Variants in NMNAT2 observed in about 807,000 individuals in gnomAD.
NMNAT2 encodes nicotinamide/nicotinic acid mononucleotide adenylyltransferase 2.
NMNAT2 carries 11 observed loss-of-function variants against 41.6 expected under a neutral mutation model. That is an observed-to-expected ratio of 0.26 (90% confidence interval 0.17 to 0.44). The LOEUF (loss-of-function observed/expected upper bound fraction) is 0.44, where lower values mean the gene tolerates loss of function less well. NMNAT2 is among the 20% of genes least tolerant of loss of function. The pLI, the probability that NMNAT2 is intolerant of heterozygous loss-of-function variation, is 1.00. For synonymous variants in NMNAT2, 148 were observed against 151.2 expected (o/e 0.98, Z 0.16); for missense variants, 288 against 407.7 (o/e 0.71, Z 2.53).
intron 1 of NMNAT2, among the ~76,000 whole-genome samples, chr1:183,390,144 T>G (rs1239419652): frequency 6.6e-6 from 1 of 152,094 alleles, no homozygotes; most frequent in East Asian, 1.9e-4. Context: ...TGCTGTTTTC[T>G]CTGTGTGTTT....
At chr1:183,413,567 G>T in intron 1 of NMNAT2, among the ~76,000 whole-genome samples, 1 of 147,164 alleles carries the variant, frequency 6.8e-6, no homozygotes. Context: ...GAAGAAATAT[G>T]ATTTTTCTAA....
chr1:183,290,302 A>C (rs1045250773), intron 3 of NMNAT2, 96 bp from the exon 4 acceptor site: 15 of 954,558 alleles, frequency 1.6e-5, no homozygotes, highest in Non-Finnish European at 2.4e-5. Flanking sequence ...AGCATGGCAG[A>C]TCTGGCCATA....
intron 1 of NMNAT2, among the ~76,000 whole-genome samples, chr1:183,303,656 G>T (rs763038906): frequency 1.3e-5 from 2 of 152,214 alleles, no homozygotes; most frequent in African/African-American, 2.4e-5. Flanking sequence ...TTCAGGGAGC[G>T]TGAAACAGAC....
At chr1:183,354,408 T>C (rs1457473685) in intron 1 of NMNAT2, among the ~76,000 whole-genome samples, 1 of 129,974 alleles carries the variant, frequency 7.7e-6, no homozygotes. Context: ...ATCTTTAATG[T>C]CTTTTTTTTT....
In NMNAT2 at chr1:183,265,998, T is replaced by C. The variant is rs530063965; in HGVS notation, c.652-4695A>G. 3.3e-5 allele frequency among the ~76,000 whole-genome samples: 5 copies of C among 152,236 alleles called. No homozygotes were observed. The East Asian group carries it at 7.7e-4, about 24-fold the overall frequency. On this transcript the variant is annotated intron_variant, in intron 8 of 10. Coordinates refer to ENST00000287713, the MANE Select transcript of NMNAT2 (RefSeq NM_015039.4). ...AGATGCTCCACTGTGGAGCTTGAAGTTGGAGGAAGGGACCATTAACCAATG... is the reference window on the plus strand; with the variant it reads ...AGATGCTCCACTGTGGAGCTTGAAGCTGGAGGAAGGGACCATTAACCAATG...
intron 1 of NMNAT2, among the ~76,000 whole-genome samples, chr1:183,416,813 G>A (rs1310293535): frequency 2.0e-5 from 3 of 152,080 alleles, no homozygotes; most frequent in Non-Finnish European, 4.4e-5. Flanking sequence ...AAGCCACCTC[G>A]CCCTGTCTTT....
intron 1 of NMNAT2, among the ~76,000 whole-genome samples, chr1:183,321,510 G>T (rs953646445): frequency 1.3e-5 from 2 of 152,154 alleles, no homozygotes; most frequent in Non-Finnish European, 2.9e-5. Context: ...GGAGGCCGAG[G>T]CAGGTGGATC....
At chr1:183,397,723 T>G (rs1648690016) in intron 1 of NMNAT2, among the ~76,000 whole-genome samples, 1 of 152,070 alleles carries the variant, frequency 6.6e-6, no homozygotes, top group East Asian at 1.9e-4. Flanking sequence ...CGGCAGAAAC[T>G]CTACAAGCCA....
At chr1:183,408,515 C>A (rs769313188) in intron 1 of NMNAT2, among the ~76,000 whole-genome samples, 1 of 151,880 alleles carries the variant, frequency 6.6e-6, no homozygotes, top group Non-Finnish European at 1.5e-5. Context: ...CATAGTTTGC[C>A]GACCTCTGAG....
At chr1:183,284,438 G>C (rs1455737681) in intron 6 of NMNAT2, among the ~76,000 whole-genome samples, 1 of 152,242 alleles carries the variant, frequency 6.6e-6, no homozygotes, top group East Asian at 1.9e-4. Flanking sequence ...GGATTACCTG[G>C]TTTAAAGAAC....
At chr1:183,260,696 A>G (rs554603508) in intron 10 of NMNAT2, among the ~76,000 whole-genome samples, 18 of 152,112 alleles carry the variant, frequency 1.2e-4, no homozygotes, top group Non-Finnish European at 2.4e-4. Context: ...GCATGTGCCT[A>G]TAATCCCAGC....
At chr1:183,417,276 C>T (rs956157499) in intron 1 of NMNAT2, among the ~76,000 whole-genome samples, 2 of 152,154 alleles carry the variant, frequency 1.3e-5, no homozygotes, top group Non-Finnish European at 2.9e-5. Flanking sequence ...CCCCCGCTCG[C>T]TCTCTCTGAC....
intron 1 of NMNAT2, among the ~76,000 whole-genome samples, chr1:183,381,210 T>C (rs1055762995): frequency 6.6e-6 from 1 of 152,170 alleles, no homozygotes; most frequent in Non-Finnish European, 1.5e-5. Context: ...ACTCCTGTTC[T>C]GGACAGAAGA....
At position 183,341,748 on chromosome 1, in the gene NMNAT2, C is replaced by CAAAAAAAAAA. The variant is rs369432128; in HGVS notation, c.86-47956_86-47955insTTTTTTTTTT. ...ACCAAAAAAAAAAAAAAAAAAAAAA[C>CAAAAAAAAAA]CTGTTTCCTTCACTCCAGGTTACTT... is the stretch of plus-strand genomic sequence containing the variant. On this transcript the variant is annotated intron_variant, in intron 1 of 10. Coordinates refer to ENST00000287713, the MANE Select transcript of NMNAT2 (RefSeq NM_015039.4). Among the ~76,000 whole-genome samples, 16 of 79,840 alleles carry CAAAAAAAAAA rather than the reference C, an allele frequency of 2.0e-4. 1 individual carries two copies. Among genetic ancestry groups the CAAAAAAAAAA allele is most frequent in the East Asian group, 4.6e-4 (1 of 2,168 alleles). 52.4% of individuals were successfully genotyped at this position (79,840 alleles called of 152,430 possible). A position where few individuals can be genotyped will look rare whatever the true frequency, so the allele number is the denominator to read the frequency against.
Position 183,279,459 on chromosome 1 carries a change from G to A in NMNAT2, c.575-830C>T, listed in dbSNP as rs80100514. Among the ~76,000 whole-genome samples the A allele has an allele frequency of 2.7e-3, 417 of 152,314 alleles. 4 individuals are homozygous for A. Among genetic ancestry groups the A allele is most frequent in the Non-Finnish European group, 4.4e-3 (301 of 68,034 alleles). On this transcript the variant is annotated intron_variant, in intron 7 of 10. Coordinates refer to ENST00000287713, the MANE Select transcript of NMNAT2 (RefSeq NM_015039.4). ...TTCCAGGCCCTCTCATCAAGAGGCC[G>A]AGGCTGTTGGGCATCTTGTCTGAAA...
chr1:183,338,276 T>G (rs1662721868), intron 1 of NMNAT2, among the ~76,000 whole-genome samples: 1 of 147,486 alleles, frequency 6.8e-6, no homozygotes, highest in African/African-American at 2.5e-5. Context: ...AGGGTGCATC[T>G]GAAAACTGCA....
At chr1:183,299,014 C>T (rs893767657) in intron 1 of NMNAT2, among the ~76,000 whole-genome samples, 15 of 152,148 alleles carry the variant, frequency 9.9e-5, no homozygotes, top group African/African-American at 3.6e-4. Flanking sequence ...AAATGTCCTA[C>T]GATAGGTAAA....
chr1:183,359,279 T>G (rs1053374471), intron 1 of NMNAT2, among the ~76,000 whole-genome samples: 6 of 150,524 alleles, frequency 4.0e-5, no homozygotes, highest in African/African-American at 2.4e-5. Context: ...AAAATAAGAG[T>G]TTTTTCATAA....
At chr1:183,395,220 C>T (rs973637808) in intron 1 of NMNAT2, among the ~76,000 whole-genome samples, 19 of 152,144 alleles carry the variant, frequency 1.2e-4, no homozygotes, top group African/African-American at 4.6e-4. Flanking sequence ...GCTTGCAGAA[C>T]TACATCTGAC....
Sources: gnomAD v4.1 joint callset for allele counts (sites outside exome capture counted in the v4.1 genomes callset) on GRCh38, gnomAD v4.1.1 for gene constraint, MANE v1.5 for transcripts, NCBI Gene and HGNC (gene_info 2026-07-23, HGNC 2026-07-21) for gene names.